Variants in CIITA observed in about 807,000 individuals in gnomAD.
CIITA encodes class II major histocompatibility complex transactivator.
A neutral mutation model predicts 115.1 loss-of-function variants in CIITA; 72 were observed. The observed-to-expected ratio is 0.63, with a 90% CI of 0.52 to 0.76. CIITA has a LOEUF of 0.76. CIITA is among the 30% of genes least tolerant of loss of function. CIITA has a pLI of 0.00. For synonymous variants in CIITA, 763 were observed against 635.6 expected (o/e 1.20, Z -3.02); for missense variants, 1,617 against 1,463.8 (o/e 1.10, Z -1.71).
intron 13 of CIITA, chr16:10,913,284 T>C (rs1455369128): frequency 6.6e-6 from 1 of 151,930 alleles, no homozygotes; most frequent in Non-Finnish European, 1.5e-5. Context: ...CCTTTCTTTC[T>C]TTCTTTCCCT....
At chr16:10,908,711 A>T (rs2144760298) in intron 11 of CIITA, 1 of 559,420 alleles carries the variant, frequency 1.8e-6, no homozygotes, top group Non-Finnish European at 3.2e-6. Context: ...ATTTCAGCTT[A>T]ATCGCCAGAG....
At chr16:10,902,444 CT>C (rs1333091129) in intron 7 of CIITA, among the ~76,000 whole-genome samples, 2 of 152,222 alleles carry the variant, frequency 1.3e-5, no homozygotes, top group African/African-American at 4.8e-5. Flanking sequence ...ACCTGCCAGC[CT>C]TATTCGTTCA....
At chr16:10,876,214 T>C (rs2035832076), upstream of CIITA, among the ~76,000 whole-genome samples, 1 of 152,092 alleles carries the variant, frequency 6.6e-6, no homozygotes, top group East Asian at 1.9e-4. Flanking sequence ...AGGGTGTCAC[T>C]ATGTTGCCCA....
chr16:10,941,879 A>G lies in CIITA; in HGVS notation n.1005A>G. The G allele has an allele frequency of 6.2e-7, 1 of 1,611,900 alleles. No homozygotes were observed. Among genetic ancestry groups the G allele is most frequent in the African/African-American group, 1.3e-5 (1 of 74,992 alleles). ...ACGATGTACTCCATGAGGAAGGCGT[A>G]GTACAGGATCAGCACATTGACGAAG... On this transcript the variant is annotated non_coding_transcript_exon_variant, in exon 2 of 2. Coordinates refer to the CIITA transcript ENST00000573379. This position sits in a 1 kb window ranked among gnomAD's most constrained non-coding sequence, Gnocchi z 6.4.
intron 18 of CIITA, 41 bp downstream of exon 18, chr16:10,922,531 C>T: frequency 6.2e-7 from 1 of 1,601,290 alleles, no homozygotes. Flanking sequence ...ACAACTCACT[C>T]CCCAGGCGTG....
rs1198378039 is a variant in CIITA at position 10,901,599 on chromosome 16, C to T, written c.481+41C>T. Reference sequence around the variant, plus strand: ...GGGCTGGGGTTGGGAAGGGTGGATGCCTTGGGGAGGGGATGGAAGAGATTG... The same window carrying T: ...GGGCTGGGGTTGGGAAGGGTGGATGTCTTGGGGAGGGGATGGAAGAGATTG... On this transcript the variant is annotated intron_variant, in intron 6 of 19. Transcript: ENST00000324288. The surrounding 1 kb of genome is among the most constrained non-coding windows in gnomAD (Gnocchi z 6.8). The T allele has an allele frequency of 2.5e-6, 4 of 1,600,964 alleles. No homozygotes were observed. Among genetic ancestry groups the T allele is most frequent in the African/African-American group, 1.3e-5 (1 of 74,716 alleles).
chr16:10,874,831 A>T (rs75418202), upstream of CIITA, among the ~76,000 whole-genome samples: 23 of 152,170 alleles, frequency 1.5e-4, no homozygotes, highest in East Asian at 3.9e-3. Flanking sequence ...TGAGGGTGGG[A>T]TGGGGGGACA....
chr16:10,874,680 G>A (rs536402412), upstream of CIITA, among the ~76,000 whole-genome samples: 2 of 152,358 alleles, frequency 1.3e-5, no homozygotes, highest in African/African-American at 4.8e-5. Context: ...GAGGAGTCAG[G>A]GAAGATGTAG....
Position 10,920,957 on chromosome 16 carries a change from C to T in CIITA, c.3150-1210C>T, listed in dbSNP as rs965961956. Reference sequence around the variant, plus strand: ...CAGTCTCAGTTCACTGCAACTCCGCCTCCCGAGTTCAAGCAATTCTCCTGC... The same window carrying T: ...CAGTCTCAGTTCACTGCAACTCCGCTTCCCGAGTTCAAGCAATTCTCCTGC... On this transcript the variant is annotated intron_variant, in intron 16 of 19. Coordinates refer to ENST00000324288, the MANE Select transcript of CIITA (RefSeq NM_000246.4). The surrounding 1 kb of genome is among the most constrained non-coding windows in gnomAD (Gnocchi z 4.5). Among the ~76,000 whole-genome samples, 6 of 152,162 alleles carry T rather than the reference C, an allele frequency of 3.9e-5. No homozygotes were observed. The highest frequency in any genetic ancestry group is 3.8e-4 in the East Asian group (2 of 5,200).
At chr16:10,869,917 A>C (rs1298662339) in intron 1 of CIITA, among the ~76,000 whole-genome samples, 2 of 152,204 alleles carry the variant, frequency 1.3e-5, no homozygotes, top group Non-Finnish European at 2.9e-5. Context: ...TTTTGATCAC[A>C]ATATGTCCCA....
At chr16:10,887,472 A>G (rs757325474) in intron 1 of CIITA, among the ~76,000 whole-genome samples, 1 of 150,366 alleles carries the variant, frequency 6.7e-6, no homozygotes, top group Non-Finnish European at 1.5e-5. Flanking sequence ...CATGGTCAAG[A>G]GTAGGGAAGT....
Position 10,918,663 on chromosome 16 carries a change from G to A in CIITA, c.3149+137G>A, listed in dbSNP as rs1446172065. The A allele has an allele frequency of 2.4e-5, 17 of 723,044 alleles. No individual in the cohort carries two copies. The East Asian group carries it at 3.9e-4, about 16-fold the overall frequency. The allele number at this position is 723,044 out of a possible 1,614,324, so 44.8% of individuals were successfully genotyped here. A position where few individuals can be genotyped will look rare whatever the true frequency, so the allele number is the denominator to read the frequency against. ...CAGCCCTGAACAAAAGGATTAGCGG[G>A]ACGTGGTGAAAGAAACTCTGAGCAA... On this transcript the variant is annotated intron_variant, in intron 16 of 19. Transcript: ENST00000324288.
upstream of CIITA, among the ~76,000 whole-genome samples, chr16:10,873,899 A>G (rs926329864): frequency 6.6e-6 from 1 of 152,106 alleles, no homozygotes; most frequent in Non-Finnish European, 1.5e-5. Context: ...CTTTGTCCCA[A>G]GCAGACCTGG....
At chr16:10,900,368 GCTT>G (rs1204888528) in intron 5 of CIITA, among the ~76,000 whole-genome samples, 4 of 152,164 alleles carry the variant, frequency 2.6e-5, no homozygotes, top group African/African-American at 9.7e-5. Context: ...ATCTTCAGCA[GCTT>G]CTTTATTTTC....
intron 1 of CIITA, among the ~76,000 whole-genome samples, chr16:10,884,529 C>T (rs368679912): frequency 3.3e-5 from 5 of 152,202 alleles, no homozygotes; most frequent in African/African-American, 1.2e-4. Flanking sequence ...ATCCTCCTGC[C>T]TCAGCCTCCC....
intron 18 of CIITA, among the ~76,000 whole-genome samples, 155 bp downstream of exon 18, chr16:10,922,645 T>C (rs1349917367): frequency 6.6e-6 from 1 of 152,196 alleles, no homozygotes; most frequent in African/African-American, 2.4e-5. Flanking sequence ...TCTTCATCTG[T>C]AAAGTGGGGA....
At chr16:10,904,445 T>G (rs1045236245) in intron 9 of CIITA, among the ~76,000 whole-genome samples, 2 of 152,146 alleles carry the variant, frequency 1.3e-5, no homozygotes, top group African/African-American at 4.8e-5. Context: ...GGTCTCGAAC[T>G]CCTGATCTCA....
At position 10,906,611 on chromosome 16, in the gene CIITA, C is replaced by T. The variant is rs754000556; in HGVS notation, c.1119C>T (p.Ser373=). The change falls in exon 11 of 20, where the codon AGC becomes AGT. Residue 373 remains serine, a synonymous_variant. Coordinates refer to ENST00000324288, the MANE Select transcript of CIITA (RefSeq NM_000246.4). ...VDLVQARLER[S]SSKSLERELA... ...TGGTGCAGGCCAGGCTGGAGAGGAG[C>T]AGCAGCAAGAGCCTGGAGCGGGAAC... The T allele has an allele frequency of 1.9e-6, 3 of 1,613,722 alleles. No individual in the cohort carries two copies. Among genetic ancestry groups the T allele is most frequent in the African/African-American group, 1.3e-5 (1 of 74,920 alleles).
At position 10,904,793 on chromosome 16, in the gene CIITA, C is replaced by T. The variant is rs142970916; in HGVS notation, c.987C>T (p.Asn329=). 1.2e-6 allele frequency: 2 copies of T among 1,614,062 alleles called. No homozygotes were observed. Among genetic ancestry groups the T allele is most frequent in the African/African-American group, 1.3e-5 (1 of 74,936 alleles). The change falls in exon 10 of 20, where the codon AAC becomes AAT. Residue 329 remains asparagine (N), a synonymous_variant. Coordinates refer to ENST00000324288, the MANE Select transcript of CIITA (RefSeq NM_000246.4). ...GCCCGGCAGCTGGAGAGGTCTCCAA[C>T]AAGCTTCCAAAATGGCCTGGTGAGT... ...TQCPAAGEVS[N]KLPKWPEPVE...
Sources: gnomAD v4.1 joint callset for allele counts (sites outside exome capture counted in the v4.1 genomes callset) on GRCh38, gnomAD v4.1.1 for gene constraint, Gnocchi (gnomAD v3.1) non-coding constraint, MANE v1.5 for transcripts, NCBI Gene and HGNC (gene_info 2026-07-23, HGNC 2026-07-21) for gene names.